The following ARMH4 variants were observed in gnomAD, a reference collection of about 807,000 sequenced individuals.
The protein encoded by ARMH4 is armadillo-like helical domain-containing protein 4.
A neutral mutation model predicts 61.9 loss-of-function variants in ARMH4; 49 were observed. That is an observed-to-expected ratio of 0.79 (90% CI 0.63 to 1.00). The LOEUF is 1.00. ARMH4 is among the 50% of genes least tolerant of loss of function. ARMH4 has a pLI of 0.00. For synonymous variants in ARMH4, 368 were observed against 341.5 expected (o/e 1.08, Z -0.85); for missense variants, 934 against 930.0 (o/e 1.00, Z -0.06).
intron 5 of ARMH4, among the ~76,000 whole-genome samples, chr14:58,017,929 T>C (rs1052608153): frequency 1.3e-5 from 2 of 152,042 alleles, no homozygotes; most frequent in South Asian, 2.1e-4. Flanking sequence ...AACAGATACA[T>C]AGACCAATGG....
intron 4 of ARMH4, among the ~76,000 whole-genome samples, chr14:58,120,847 C>A (rs528884155): frequency 3.9e-5 from 6 of 152,250 alleles, no homozygotes; most frequent in Admixed American, 3.3e-4. Flanking sequence ...TTTTCCCCCA[C>A]AAAGGACGCT....
Position 58,139,002 on chromosome 14 carries a change from G to A in ARMH4, c.357C>T (p.Val119=), listed in dbSNP as rs1321815256. ...PGVSTPTESG[V]PSAEEVFGSS... ...AACCAAATACTTCTTCAGCTGAGGGGACACCTGACTCAGTAGGTGTGGAAA... is the reference window on the plus strand; with the variant it reads ...AACCAAATACTTCTTCAGCTGAGGGAACACCTGACTCAGTAGGTGTGGAAA... The change falls in exon 2 of 8, where the codon GTC becomes GTT. Residue 119 remains valine, a synonymous_variant. Coordinates refer to ENST00000267485, the MANE Select transcript of ARMH4 (RefSeq NM_001001872.4). 1.9e-6 allele frequency: 3 copies of A among 1,614,192 alleles called. No individual in the cohort carries two copies. The highest frequency in any genetic ancestry group is 2.5e-6 in the Non-Finnish European group (3 of 1,180,042).
At chr14:58,042,615 G>A (rs964238824) in intron 5 of ARMH4, among the ~76,000 whole-genome samples, 1 of 152,086 alleles carries the variant, frequency 6.6e-6, no homozygotes, top group Non-Finnish European at 1.5e-5. Context: ...AGAACTGAAG[G>A]AGATAGAGAC....
At chr14:58,008,744 A>G (rs1882277817) in intron 6 of ARMH4, among the ~76,000 whole-genome samples, 1 of 152,214 alleles carries the variant, frequency 6.6e-6, no homozygotes, top group Non-Finnish European at 1.5e-5. Context: ...GTGGAGTCTG[A>G]GAATTTGCAT....
intron 5 of ARMH4, among the ~76,000 whole-genome samples, chr14:58,014,092 T>C (rs1158343481): frequency 6.6e-6 from 1 of 152,016 alleles, no homozygotes; most frequent in African/African-American, 2.4e-5. Flanking sequence ...GAGTAAGACT[T>C]TCGAACTACC....
At chr14:58,068,516 G>A (rs1884777228) in intron 5 of ARMH4, among the ~76,000 whole-genome samples, 2 of 152,032 alleles carry the variant, frequency 1.3e-5, no homozygotes, top group Admixed American at 1.3e-4. Context: ...AATGCATTTG[G>A]GGATAAGCCT....
chr14:58,071,159 T>G (rs1418258893), intron 5 of ARMH4, among the ~76,000 whole-genome samples: 1 of 149,648 alleles, frequency 6.7e-6, no homozygotes, highest in Non-Finnish European at 1.5e-5. Flanking sequence ...ATACGTTATA[T>G]ATATTATATA....
Position 58,040,934 on chromosome 14 carries a change from G to A in ARMH4, c.2090-28784C>T, listed in dbSNP as rs1359658064. On this transcript the variant is annotated intron_variant, in intron 5 of 7. Transcript: ENST00000267485. ...TTGGAAAAAGAACTCATTCAGAAAT[G>A]TAAAGTATCCTACGTTCCTCTAAGT... Among the ~76,000 whole-genome samples the A allele has an allele frequency of 4.6e-5, 7 of 152,184 alleles. No homozygotes were observed. The East Asian group carries it at 1.3e-3, about 29-fold the overall frequency.
chr14:58,133,020 T>C, intron 3 of ARMH4, 70 bp downstream of exon 3: 2 of 1,562,686 alleles, frequency 1.3e-6, no homozygotes, highest in South Asian at 2.3e-5. Context: ...GCCTCACTCA[T>C]TCTATTCCTA....
At chr14:58,096,365 C>T (rs925517495) in intron 5 of ARMH4, among the ~76,000 whole-genome samples, 6 of 152,150 alleles carry the variant, frequency 3.9e-5, no homozygotes, top group African/African-American at 1.2e-4. Flanking sequence ...CCTCCCTGTG[C>T]GGATGTCCTC....
chr14:58,078,839 C>G (rs1445131097), intron 5 of ARMH4, among the ~76,000 whole-genome samples: 2 of 152,234 alleles, frequency 1.3e-5, no homozygotes, highest in Non-Finnish European at 2.9e-5. Flanking sequence ...TGGCCTAAGC[C>G]AATGGGACCA....
chr14:58,079,835 G>A (rs2141240447), intron 5 of ARMH4, among the ~76,000 whole-genome samples: 1 of 152,126 alleles, frequency 6.6e-6, no homozygotes, highest in East Asian at 1.9e-4. Context: ...CCTTACCTGA[G>A]GGGAGCTGGG....
intron 5 of ARMH4, among the ~76,000 whole-genome samples, chr14:58,027,188 G>C (rs1883050743): frequency 6.6e-6 from 1 of 152,192 alleles, no homozygotes; most frequent in Non-Finnish European, 1.5e-5. Context: ...CTAAAGAGTA[G>C]ACAATTTCAG....
intron 5 of ARMH4, among the ~76,000 whole-genome samples, chr14:58,082,711 T>C (rs1344340725): frequency 6.6e-6 from 1 of 152,194 alleles, no homozygotes; most frequent in African/African-American, 2.4e-5. Context: ...AGAGCAGACA[T>C]TGTTCTGCTC....
At chr14:58,043,250 C>T (rs1339765477) in intron 5 of ARMH4, among the ~76,000 whole-genome samples, 259 of 152,120 alleles carry the variant, frequency 1.7e-3, no homozygotes, top group Non-Finnish European at 2.6e-3. Context: ...AAAAAGCTTA[C>T]CCACCATGAT....
At chr14:58,111,653 G>T (rs1291174957) in intron 4 of ARMH4, among the ~76,000 whole-genome samples, 1 of 151,842 alleles carries the variant, frequency 6.6e-6, no homozygotes, top group Non-Finnish European at 1.5e-5. Context: ...CTCTTGCAGA[G>T]ACTCTAGTGT....
chr14:58,023,581 C>G (rs1488484334), intron 5 of ARMH4, among the ~76,000 whole-genome samples: 1 of 152,204 alleles, frequency 6.6e-6, no homozygotes, highest in African/African-American at 2.4e-5. Context: ...CTCCAAACTC[C>G]TGTTAATGAT....
intron 5 of ARMH4, among the ~76,000 whole-genome samples, chr14:58,020,927 C>G (rs573242231): frequency 2.6e-5 from 4 of 152,278 alleles, no homozygotes; most frequent in African/African-American, 7.2e-5. Flanking sequence ...CAGCCTGAGT[C>G]CAAAGGCCTG....
intron 4 of ARMH4, among the ~76,000 whole-genome samples, chr14:58,105,407 C>T (rs1886137422): frequency 1.3e-5 from 2 of 152,074 alleles, no homozygotes; most frequent in South Asian, 4.1e-4. Flanking sequence ...ACAATTGGGC[C>T]GGGCATGGTG....
Sources: gnomAD v4.1 joint callset for allele counts (sites outside exome capture counted in the v4.1 genomes callset) on GRCh38, gnomAD v4.1.1 for gene constraint, MANE v1.5 for transcripts, NCBI Gene and HGNC (gene_info 2026-07-23, HGNC 2026-07-21) for gene names.